TCERG1L: variants seen among roughly 807,000 people sequenced by gnomAD.
TCERG1L encodes the protein transcription elongation regulator 1-like protein.
Under a neutral mutation model 56.3 loss-of-function variants are expected in TCERG1L, and 37 were observed. The observed-to-expected ratio is 0.66, with a 90% CI of 0.51 to 0.87. The LOEUF (loss-of-function observed/expected upper bound fraction) is 0.87. Among genes scored for constraint, TCERG1L ranks in the 40% least tolerant of loss-of-function variants. The pLI is 0.00. For synonymous variants in TCERG1L, 324 were observed against 326.3 expected, an observed-to-expected ratio of 0.99 and a Z score of 0.08; for missense variants, 799 against 774.2, an observed-to-expected ratio of 1.03 and a Z score of -0.38.
chr10:131,094,405 T>C (rs1466578123), intron 11 of TCERG1L, among the ~76,000 whole-genome samples: 2 of 152,236 alleles, frequency 1.3e-5, no homozygotes, highest in Admixed American at 6.5e-5. Flanking sequence ...AATTATTGTG[T>C]TAAATTATTA....
intron 4 of TCERG1L, among the ~76,000 whole-genome samples, chr10:131,248,994 C>G (rs1314950143): frequency 6.6e-6 from 1 of 152,186 alleles, no homozygotes; most frequent in Non-Finnish European, 1.5e-5. Flanking sequence ...ATGGAGCTGA[C>G]CTGGTGCACA....
intron 9 of TCERG1L, among the ~76,000 whole-genome samples, chr10:131,109,853 G>A (rs542848335): frequency 6.6e-6 from 1 of 152,348 alleles, no homozygotes; most frequent in South Asian, 2.1e-4. Context: ...AGCCAGAGCT[G>A]GTTGTTAGAA....
rs571863016 is a variant in TCERG1L, at chr10:131,284,104, C to T, written c.671-23660G>A. Among the ~76,000 whole-genome samples, 607 of 131,092 alleles carry T rather than the reference C, an allele frequency of 4.6e-3. 2 individuals are homozygous for T. Among genetic ancestry groups the T allele is most frequent in the Non-Finnish European group, 6.8e-3 (438 of 64,792 alleles). 86.0% of individuals were successfully genotyped at this position (131,092 alleles called of 152,430 possible). A position where few individuals can be genotyped will look rare whatever the true frequency, so the allele number is the denominator to read the frequency against. Reference sequence around the variant, plus strand: ...TCGAACTACTGCACTCCAGCCTAGGCGACAGAACAAGACCACATCTCAAAA... The same window carrying T: ...TCGAACTACTGCACTCCAGCCTAGGTGACAGAACAAGACCACATCTCAAAA... On this transcript the variant is annotated intron_variant, in intron 3 of 11. Transcript: ENST00000368642.
chr10:131,278,278 G>T (rs951735411), intron 3 of TCERG1L, among the ~76,000 whole-genome samples: 1 of 151,780 alleles, frequency 6.6e-6, no homozygotes, highest in Admixed American at 6.6e-5. Flanking sequence ...CACTGGTGAA[G>T]ATGAGACGAG....
At chr10:131,174,538 C>T (rs1003006123) in intron 4 of TCERG1L, among the ~76,000 whole-genome samples, 3 of 152,278 alleles carry the variant, frequency 2.0e-5, no homozygotes, top group African/African-American at 7.2e-5. Context: ...CCCTCTCACC[C>T]GCCCGTTCCC....
chr10:131,107,995 C>T (rs1845371310), intron 9 of TCERG1L, among the ~76,000 whole-genome samples: 2 of 135,640 alleles, frequency 1.5e-5, no homozygotes, highest in African/African-American at 2.7e-5. Flanking sequence ...ACACAGAGTA[C>T]CACTACCACC....
chr10:131,100,388 G>A (rs1329534256), intron 10 of TCERG1L, among the ~76,000 whole-genome samples: 1 of 152,142 alleles, frequency 6.6e-6, no homozygotes. Flanking sequence ...TCTCTGCCTA[G>A]AACCATTTCT....
At chr10:131,133,756 A>G (rs749121612) in intron 8 of TCERG1L, among the ~76,000 whole-genome samples, 2 of 152,160 alleles carry the variant, frequency 1.3e-5, no homozygotes, top group African/African-American at 2.4e-5. Flanking sequence ...CCAACCCCCA[A>G]CTTGATGGAA....
chr10:131,193,134 T>C (rs1227963377), intron 4 of TCERG1L, among the ~76,000 whole-genome samples: 2 of 152,236 alleles, frequency 1.3e-5, no homozygotes, highest in African/African-American at 4.8e-5. Context: ...GTCATATGTC[T>C]GTTGGTTTTT....
At chr10:131,261,060 C>T (rs1459280773) in intron 3 of TCERG1L, among the ~76,000 whole-genome samples, 2 of 152,148 alleles carry the variant, frequency 1.3e-5, no homozygotes, top group Non-Finnish European at 2.9e-5. Context: ...GGCCGGTCAC[C>T]AGACCAGCTG....
chr10:131,276,329 C>T (rs1163571634), intron 3 of TCERG1L, among the ~76,000 whole-genome samples: 1 of 152,234 alleles, frequency 6.6e-6, no homozygotes, highest in Non-Finnish European at 1.5e-5. Context: ...TATTCCCAAC[C>T]AGCAGCCCAA....
chr10:131,142,791 G>A (rs1208098980), intron 7 of TCERG1L, among the ~76,000 whole-genome samples: 1 of 152,190 alleles, frequency 6.6e-6, no homozygotes, highest in African/African-American at 2.4e-5. Context: ...ACAGATTCAT[G>A]CCCCCCACCA....
intron 4 of TCERG1L, among the ~76,000 whole-genome samples, chr10:131,245,512 A>AT (rs1345845408): frequency 1.3e-5 from 2 of 152,050 alleles, no homozygotes; most frequent in Non-Finnish European, 2.9e-5. Flanking sequence ...AGCCTTCTGC[A>AT]TTTCCACCCA....
At chr10:131,233,705 C>T (rs1482659221) in intron 4 of TCERG1L, among the ~76,000 whole-genome samples, 1 of 152,140 alleles carries the variant, frequency 6.6e-6, no homozygotes, top group Admixed American at 6.6e-5. Context: ...TCATTTTAAT[C>T]TCCATTAAAC....
chr10:131,212,852 G>T (rs1003562786), intron 4 of TCERG1L, among the ~76,000 whole-genome samples: 5 of 152,244 alleles, frequency 3.3e-5, no homozygotes, highest in African/African-American at 1.2e-4. Flanking sequence ...GGATGCAGCT[G>T]CCCCATGTGA....
At chr10:131,102,358 A>G (rs1808631434) in intron 10 of TCERG1L, among the ~76,000 whole-genome samples, 1 of 152,126 alleles carries the variant, frequency 6.6e-6, no homozygotes, top group South Asian at 2.1e-4. Context: ...TGGTGGGTCG[A>G]GGGCTGGGAA....
chr10:131,243,811 T>G (rs1845999024), intron 4 of TCERG1L, among the ~76,000 whole-genome samples: 1 of 152,156 alleles, frequency 6.6e-6, no homozygotes, highest in Non-Finnish European at 1.5e-5. Flanking sequence ...GACTTGTGGG[T>G]CAGCAATTTG....
intron 4 of TCERG1L, among the ~76,000 whole-genome samples, chr10:131,246,973 G>A (rs969879557): frequency 6.6e-6 from 1 of 151,968 alleles, no homozygotes; most frequent in African/African-American, 2.4e-5. Context: ...GATGTGTAGG[G>A]AGGGGAGTAT....
intron 3 of TCERG1L, among the ~76,000 whole-genome samples, chr10:131,306,289 A>C (rs1846817613): frequency 6.6e-6 from 1 of 152,186 alleles, no homozygotes; most frequent in Admixed American, 6.5e-5. Flanking sequence ...AGTTTTCATG[A>C]AGCAACTCAG....
Sources: gnomAD v4.1 joint callset for allele counts (sites outside exome capture counted in the v4.1 genomes callset) on GRCh38, gnomAD v4.1.1 for gene constraint, MANE v1.5 for transcripts, NCBI Gene and HGNC (gene_info 2026-07-23, HGNC 2026-07-21) for gene names.